TRAF4: variants seen among roughly 807,000 people sequenced by gnomAD.
TRAF4 encodes the protein TNF receptor-associated factor 4.
A neutral mutation model predicts 47.3 loss-of-function variants in TRAF4; 9 were observed. That is an observed-to-expected ratio of 0.19 (90% CI 0.11 to 0.33). The LOEUF (loss-of-function observed/expected upper bound fraction) is 0.33, where lower values mean the gene tolerates loss of function less well. TRAF4 is among the 10% of genes least tolerant of loss of function. The pLI, the probability that TRAF4 is intolerant of heterozygous loss-of-function variation, is 1.00. For missense variants in TRAF4, 448 were observed against 620.3 expected (o/e 0.72, Z 2.95); for synonymous variants, 236 against 236.9 (o/e 1.00, Z 0.04).
chr17:28,749,917 G>A lies in TRAF4; in HGVS notation c.*340G>A. ...TATGTCCCAAGAGCCATAAGGGGGT[G>A]GGAATTGGGGAGGGAGAAAGGGTAG... On this transcript the variant is annotated 3_prime_UTR_variant, in exon 7 of 7. Coordinates refer to ENST00000262395, the MANE Select transcript of TRAF4 (RefSeq NM_004295.4). The A allele has an allele frequency of 1.4e-6, 1 of 699,242 alleles. No individual in the cohort carries two copies. Among genetic ancestry groups the A allele is most frequent in the Non-Finnish European group, 2.6e-6 (1 of 383,608 alleles). The allele number at this position is 699,242 out of a possible 1,614,324, so 43.3% of individuals were successfully genotyped here.
chr17:28,747,845 C>T lies in TRAF4; in HGVS notation c.198C>T (p.Ile66=), dbSNP rs2034539351. ...EDQLPLDYAK[I]YPDPELEVQV... The stretch of plus-strand genomic sequence containing the variant: ...AGTTCCCCCATCCCTACCCCCAGAT[C>T]TACCCAGACCCGGAGCTGGAAGTAC... The change falls in exon 3 of 7, where the codon ATC becomes ATT. Residue 66 remains isoleucine (I), a splice_region_variant and synonymous_variant. Coordinates refer to ENST00000262395, the MANE Select transcript of TRAF4 (RefSeq NM_004295.4). 3 of 1,613,352 alleles carry T rather than the reference C, an allele frequency of 1.9e-6. No individual in the cohort carries two copies. Among genetic ancestry groups the T allele is most frequent in the Non-Finnish European group, 2.5e-6 (3 of 1,179,834 alleles).
In TRAF4 at chr17:28,748,960, A is replaced by C. The variant is rs758758630; in HGVS notation, c.796A>C (p.Met266Leu). The C allele has an allele frequency of 6.2e-7, 1 of 1,611,362 alleles. No homozygotes were observed. The change falls in exon 7 of 7, where the codon ATG becomes CTG. Residue 266 changes from methionine (M) to leucine (L), a missense_variant. Met to Leu is a conservative substitution (Grantham distance 15, BLOSUM62 2). Coordinates refer to ENST00000262395, the MANE Select transcript of TRAF4 (RefSeq NM_004295.4). The part of the protein sequence containing the change: ...GCKHRCPKLA[M>L]ARHVEESVKP... ...TTGCCAACAGTGCCCTAAGCTGGCAATGGCACGGCATGTGGAGGAGAGTGT... is the reference window on the plus strand; with the variant it reads ...TTGCCAACAGTGCCCTAAGCTGGCACTGGCACGGCATGTGGAGGAGAGTGT...
chr17:28,744,165 G>T lies in TRAF4; in HGVS notation c.53G>T (p.Cys18Phe). The change falls in exon 1 of 7, where the codon TGC becomes TTC. Residue 18 changes from cysteine (C) to phenylalanine (F), a missense_variant. Transcript: ENST00000262395. ...GAGAAGCCCAAGCGACGGCTGCTGT[G>T]CCCACTGTGCGGGAAGCCCATGCGC... ...FLEKPKRRLL[C>F]PLCGKPMREP... 1 of 1,596,172 alleles carries T rather than the reference G, an allele frequency of 6.3e-7. No homozygotes were observed.
intron 6 of TRAF4, 96 bp downstream of exon 6, chr17:28,748,762 G>A: frequency 6.5e-7 from 1 of 1,538,634 alleles, no homozygotes; most frequent in Non-Finnish European, 8.7e-7. Context: ...GGTCCCTGCT[G>A]TGCTGCTCTG....
In TRAF4 at chr17:28,749,167, C is replaced by G. The variant is rs1374590704; in HGVS notation, c.1003C>G (p.Pro335Ala). The G allele has an allele frequency of 6.2e-7, 1 of 1,613,980 alleles. No individual in the cohort carries two copies. Among genetic ancestry groups the G allele is most frequent in the East Asian group, 2.2e-5 (1 of 44,892 alleles). Residue 335 changes from proline to alanine, a missense_variant, in exon 7 of 7, where the codon CCA (proline) becomes GCA (alanine). Coordinates refer to ENST00000262395, the MANE Select transcript of TRAF4 (RefSeq NM_004295.4). ...CAAGCCCAACCTTGAGTGCTTCAGC[C>G]CAGCCTTCTACACACATAAGTATGG... is the stretch of plus-strand genomic sequence containing the variant. ...KAKPNLECFS[P>A]AFYTHKYGYK...
Position 28,747,999 on chromosome 17 carries a change from T to C in TRAF4, c.301-18T>C. Reference sequence around the variant, plus strand: ...CCACCTCTCCCTTGGCAGGCACTAATTGCAGCCTTCCCACCAGGGCCACCT... The same window carrying C: ...CCACCTCTCCCTTGGCAGGCACTAACTGCAGCCTTCCCACCAGGGCCACCT... On this transcript the variant is annotated intron_variant, in intron 3 of 6. Coordinates refer to ENST00000262395, the MANE Select transcript of TRAF4 (RefSeq NM_004295.4). 2 of 1,614,140 alleles carry C rather than the reference T, an allele frequency of 1.2e-6. No homozygotes were observed. The highest frequency in any genetic ancestry group is 1.7e-6 in the Non-Finnish European group (2 of 1,180,018).
chr17:28,746,335 A>C (rs966672074), intron 1 of TRAF4, among the ~76,000 whole-genome samples: 1 of 152,338 alleles, frequency 6.6e-6, no homozygotes. Context: ...GGGCATGTCG[A>C]CAGAAAGAAG....
chr17:28,748,563 G>C lies in TRAF4; in HGVS notation c.677G>C (p.Gly226Ala). 6.2e-7 allele frequency: 1 copy of C among 1,613,552 alleles called. No individual in the cohort carries two copies. Among genetic ancestry groups the C allele is most frequent in the Non-Finnish European group, 8.5e-7 (1 of 1,179,976 alleles). Residue 226 changes from glycine (G) to alanine (A), a missense_variant, in exon 6 of 7, where the codon GGT (glycine) becomes GCT (alanine). Transcript: ENST00000262395. ...RLPVACPNQC[G>A]VGTVAREDLP... ...CCTGTTGCCTGCCCCAACCAATGTG[G>C]TGTGGGCACTGTGGCTCGGGAGGAC...
In TRAF4 at chr17:28,750,248, G is replaced by T; in HGVS notation, c.*671G>T. 3.4e-6 allele frequency: 1 copy of T among 294,036 alleles called. No homozygotes were observed. Among genetic ancestry groups the T allele is most frequent in the Non-Finnish European group, 6.4e-6 (1 of 155,964 alleles). The allele number at this position is 294,036 out of a possible 1,614,324, so 18.2% of individuals were successfully genotyped here. On this transcript the variant is annotated 3_prime_UTR_variant, in exon 7 of 7. Coordinates refer to ENST00000262395, the MANE Select transcript of TRAF4 (RefSeq NM_004295.4). ...ATGGACGCCGGGAAAACTGCATCGG[G>T]CTTTGTGTGGAAGACGGTCCCTGCC... is the stretch of plus-strand genomic sequence containing the variant.
intron 1 of TRAF4, among the ~76,000 whole-genome samples, chr17:28,746,033 ATT>A (rs1212123255): frequency 6.6e-6 from 1 of 152,190 alleles, no homozygotes; most frequent in Non-Finnish European, 1.5e-5. Flanking sequence ...CTGTGGTTGT[ATT>A]GTCCTTGGCA....
chr17:28,749,482 A>G lies in TRAF4; in HGVS notation c.1318A>G (p.Ile440Val). 1 of 1,613,902 alleles carries G rather than the reference A, an allele frequency of 6.2e-7. No homozygotes were observed. The highest frequency in any genetic ancestry group is 8.5e-7 in the Non-Finnish European group (1 of 1,180,030). The change falls in exon 7 of 7, where the codon ATC (isoleucine) becomes GTC (valine). Residue 440 changes from isoleucine (I) to valine (V), a missense_variant. Physicochemically the swap from Ile to Val is conservative, Grantham distance 29. Transcript: ENST00000262395. ...SSLGFGYPKFISHQDIRKRNY... is the reference protein window; with the variant it reads ...SSLGFGYPKFVSHQDIRKRNY... ...TCTGGGCTTTGGTTATCCCAAGTTC[A>G]TCTCCCACCAGGACATTCGAAAGCG...
At chr17:28,745,674 T>C in intron 1 of TRAF4, 1 of 153,686 alleles carries the variant, frequency 6.5e-6, no homozygotes. Context: ...GAGCAGCCTC[T>C]GCCCTGCCTG....
At position 28,750,006 on chromosome 17, in the gene TRAF4, A is replaced by AT. The variant is rs1459064146; in HGVS notation, c.*432dup. ...TTACCTAGCTGTGCCCCCTCTGGTT[A>AT]TTTATTTCCTTAGTGCCAGGAGGGC... On this transcript the variant is annotated 3_prime_UTR_variant, in exon 7 of 7. Transcript: ENST00000262395. 8 of 621,762 alleles carry AT rather than the reference A, an allele frequency of 1.3e-5. No homozygotes were observed. The highest frequency in any genetic ancestry group is 1.5e-5 in the Non-Finnish European group (5 of 342,464). 38.5% of individuals were successfully genotyped at this position (621,762 alleles called of 1,614,324 possible). A position where few individuals can be genotyped will look rare whatever the true frequency, so the allele number is the denominator to read the frequency against.
intron 2 of TRAF4, chr17:28,747,612 G>C: frequency 3.4e-6 from 2 of 593,796 alleles, no homozygotes; most frequent in Non-Finnish European, 6.0e-6. Context: ...GGATTGAGCA[G>C]GCTGATTGGC....
chr17:28,744,039 C>G lies in TRAF4; in HGVS notation c.-74C>G. ...CGGCGCCGCCCGGAGCCGGGAGCGC[C>G]GCTCCAGCGAGGCGCGGGCTGTGGG... On this transcript the variant is annotated 5_prime_UTR_variant, in exon 1 of 7. Transcript: ENST00000262395. 2 of 1,066,194 alleles carry G rather than the reference C, an allele frequency of 1.9e-6. No individual in the cohort carries two copies. Among genetic ancestry groups the G allele is most frequent in the Non-Finnish European group, 2.3e-6 (2 of 885,312 alleles). 66.0% of individuals were successfully genotyped at this position (1,066,194 alleles called of 1,614,324 possible). A position where few individuals can be genotyped will look rare whatever the true frequency, so the allele number is the denominator to read the frequency against.
At position 28,748,293 on chromosome 17, in the gene TRAF4, T is replaced by C. The variant is rs1383715464; in HGVS notation, c.494T>C (p.Val165Ala). The change falls in exon 5 of 7, where the codon GTC (valine) becomes GCC (alanine). Residue 165 changes from valine (V) to alanine (A), a missense_variant. Coordinates refer to ENST00000262395, the MANE Select transcript of TRAF4 (RefSeq NM_004295.4). ...GAGGGTATGTGCCCCCAGGAGAGTGTCTACTGTGAGAATAAGTGTGGTGCC... is the reference window on the plus strand; with the variant it reads ...GAGGGTATGTGCCCCCAGGAGAGTGCCTACTGTGAGAATAAGTGTGGTGCC... ...SHEGMCPQES[V>A]YCENKCGARM... 6.2e-7 allele frequency: 1 copy of C among 1,613,696 alleles called. No individual in the cohort carries two copies. Among genetic ancestry groups the C allele is most frequent in the Non-Finnish European group, 8.5e-7 (1 of 1,179,930 alleles).
intron 1 of TRAF4, among the ~76,000 whole-genome samples, 167 bp downstream of exon 1, chr17:28,744,422 A>AG (rs2034476113): frequency 7.0e-6 from 1 of 142,754 alleles, no homozygotes; most frequent in African/African-American, 2.5e-5. Flanking sequence ...GCCCCGAGGG[A>AG]GGCCCCCCCC....
rs1378236715 is a variant in TRAF4, at chr17:28,748,940, A to C, written c.781-5A>C. 2 of 1,605,740 alleles carry C rather than the reference A, an allele frequency of 1.2e-6. No individual in the cohort carries two copies. Among genetic ancestry groups the C allele is most frequent in the Non-Finnish European group, 1.7e-6 (2 of 1,175,848 alleles). On this transcript the variant is annotated splice_region_variant and splice_polypyrimidine_tract_variant and intron_variant, in intron 6 of 6. Transcript: ENST00000262395. ...TTCCCCCATGGCCTGGGGCTTTGCC[A>C]ACAGTGCCCTAAGCTGGCAATGGCA...
chr17:28,748,877 C>T, intron 6 of TRAF4, 68 bp from the exon 7 acceptor site: 6 of 1,534,376 alleles, frequency 3.9e-6, no homozygotes, highest in Non-Finnish European at 5.2e-6. Context: ...CACTCCTCTC[C>T]TCTCCCTGGA....
Sources: allele counts gnomAD v4.1 joint callset (sites outside exome capture counted in the v4.1 genomes callset), GRCh38; gene constraint gnomAD v4.1.1; transcripts MANE v1.5; gene names NCBI Gene and HGNC (gene_info 2026-07-23, HGNC 2026-07-21).